Variants in DPP10 observed in about 807,000 individuals in gnomAD.
DPP10 encodes dipeptidyl peptidase like 10, also known as inactive dipeptidyl peptidase 10.
A neutral mutation model predicts 120.9 loss-of-function variants in DPP10; 33 were observed. The ratio of observed to expected loss-of-function variants is 0.27; its 90% confidence interval spans 0.21 to 0.37. The LOEUF is 0.37. DPP10 is among the 10% of genes least tolerant of loss of function. DPP10 has a pLI of 1.00. For missense variants in DPP10, 816 were observed against 942.8 expected (o/e 0.87, Z 1.76); for synonymous variants, 337 against 326.1 (o/e 1.03, Z -0.36).
chr2:114,530,785 T>G (rs1685906867), intron 1 of DPP10, among the ~76,000 whole-genome samples: 1 of 152,178 alleles, frequency 6.6e-6, no homozygotes, highest in South Asian at 2.1e-4. Flanking sequence ...TCTTAAGTTT[T>G]GCAGAATTAA....
intron 5 of DPP10, among the ~76,000 whole-genome samples, chr2:115,560,403 A>AATGTATAT (rs2080546525): frequency 5.6e-5 from 1 of 17,854 alleles, no homozygotes; most frequent in Non-Finnish European, 9.8e-5. Context: ...AAAAAAAAAA[A>AATGTATAT]ATATATATAT....
chr2:115,675,925 A>G (rs2090214572), intron 5 of DPP10, among the ~76,000 whole-genome samples: 1 of 152,114 alleles, frequency 6.6e-6, no homozygotes, highest in African/African-American at 2.4e-5. Flanking sequence ...AGAGGGTTGC[A>G]GTGTTGCGCC....
At chr2:114,567,961 G>A (rs1209755062) in intron 1 of DPP10, among the ~76,000 whole-genome samples, 1 of 150,092 alleles carries the variant, frequency 6.7e-6, no homozygotes, top group African/African-American at 2.5e-5. Context: ...AAACCACTAT[G>A]ACAGATGCTT....
At chr2:114,826,832 A>G (rs1274657934) in intron 1 of DPP10, among the ~76,000 whole-genome samples, 1 of 152,188 alleles carries the variant, frequency 6.6e-6, no homozygotes, top group African/African-American at 2.4e-5. Flanking sequence ...TGGGCCAAGA[A>G]GACTATTTTT....
chr2:115,469,810 A>T (rs2074568207), intron 3 of DPP10, among the ~76,000 whole-genome samples: 2 of 151,186 alleles, frequency 1.3e-5, no homozygotes, highest in Non-Finnish European at 2.9e-5. Flanking sequence ...AGGAAGGAGA[A>T]TCACTTGAAT....
chr2:114,986,262 A>G (rs1239569317), intron 1 of DPP10, among the ~76,000 whole-genome samples: 1 of 152,224 alleles, frequency 6.6e-6, no homozygotes, highest in Admixed American at 6.5e-5. Context: ...TTCTAAAAGC[A>G]TACAGATGTG....
At chr2:115,163,599 A>G (rs1322339687) in intron 1 of DPP10, among the ~76,000 whole-genome samples, 1 of 152,250 alleles carries the variant, frequency 6.6e-6, no homozygotes, top group Non-Finnish European at 1.5e-5. Context: ...GTTAGCAGAT[A>G]TAGAAAAATA....
At chr2:115,715,754 C>T (rs2092473409) in intron 7 of DPP10, among the ~76,000 whole-genome samples, 1 of 152,214 alleles carries the variant, frequency 6.6e-6, no homozygotes, top group South Asian at 2.1e-4. Flanking sequence ...TCTATCTTTA[C>T]ATTTTCTTTA....
chr2:114,639,770 A>T lies in DPP10; in HGVS notation c.60+196932A>T, dbSNP rs76173795. ...ATCTTCAAAAGATACTAGACAATTT[A>T]TTTTTTCTTTTATCAAGTTATTACC... On this transcript the variant is annotated intron_variant, in intron 1 of 25. Coordinates refer to ENST00000410059, the MANE Select transcript of DPP10 (RefSeq NM_020868.6). Among the ~76,000 whole-genome samples the T allele has an allele frequency of 4.5e-4, 68 of 151,834 alleles. 1 individual carries two copies. The East Asian group carries it at 0.012, about 26-fold the overall frequency.
chr2:115,374,089 AT>A (rs1574602797), intron 3 of DPP10, among the ~76,000 whole-genome samples: 1 of 152,090 alleles, frequency 6.6e-6, no homozygotes, highest in Non-Finnish European at 1.5e-5. Flanking sequence ...GCCAAACCGT[AT>A]CTTTCTGCCA....
intron 3 of DPP10, among the ~76,000 whole-genome samples, chr2:115,386,611 G>C (rs1043715441): frequency 2.6e-5 from 4 of 152,128 alleles, no homozygotes; most frequent in African/African-American, 9.7e-5. Context: ...TTCCTCTGCT[G>C]CTATCTCAAG....
chr2:115,492,542 A>G (rs975864345), intron 3 of DPP10, among the ~76,000 whole-genome samples: 1 of 152,050 alleles, frequency 6.6e-6, no homozygotes, highest in Non-Finnish European at 1.5e-5. Context: ...TGAGCCTTAG[A>G]TGGGCGGTCT....
chr2:115,167,132 C>A (rs2052935876), intron 1 of DPP10, among the ~76,000 whole-genome samples: 4 of 152,018 alleles, frequency 2.6e-5, no homozygotes, highest in Admixed American at 2.6e-4. Context: ...GAGGTGACTG[C>A]AGTTCCCTTT....
chr2:115,102,708 C>T (rs1403240395), intron 1 of DPP10, among the ~76,000 whole-genome samples: 2 of 150,520 alleles, frequency 1.3e-5, no homozygotes, highest in African/African-American at 4.9e-5. Flanking sequence ...CACGCCCGGC[C>T]ATGGGGGAGT....
intron 1 of DPP10, among the ~76,000 whole-genome samples, chr2:115,128,097 T>C (rs1316038512): frequency 3.3e-5 from 5 of 152,200 alleles, no homozygotes; most frequent in African/African-American, 1.2e-4. Context: ...TAATGCATAC[T>C]TCAATCTTCA....
chr2:115,489,041 A>G (rs1221123627), intron 3 of DPP10, among the ~76,000 whole-genome samples: 2 of 152,166 alleles, frequency 1.3e-5, no homozygotes, highest in Non-Finnish European at 2.9e-5. Context: ...CGTTTAAAAT[A>G]TAGTAAGTAA....
chr2:114,579,896 G>C (rs1251575091), intron 1 of DPP10, among the ~76,000 whole-genome samples: 1 of 152,146 alleles, frequency 6.6e-6, no homozygotes, highest in East Asian at 1.9e-4. Context: ...CCTATCAGTT[G>C]AGAAATAGGG....
At chr2:114,584,445 G>A (rs1344796776) in intron 1 of DPP10, among the ~76,000 whole-genome samples, 1 of 151,734 alleles carries the variant, frequency 6.6e-6, no homozygotes, top group Non-Finnish European at 1.5e-5. Context: ...TGCACAATGT[G>A]CAGGTTAGTT....
At chr2:115,708,997 C>T (rs968439623) in intron 7 of DPP10, among the ~76,000 whole-genome samples, 14 of 152,152 alleles carry the variant, frequency 9.2e-5, no homozygotes, top group African/African-American at 2.6e-4. Context: ...TCAATCTTCA[C>T]GCAAATTCAG....
Sources: gnomAD v4.1 joint callset for allele counts (sites outside exome capture counted in the v4.1 genomes callset) on GRCh38, gnomAD v4.1.1 for gene constraint, MANE v1.5 for transcripts, NCBI Gene and HGNC (gene_info 2026-07-23, HGNC 2026-07-21) for gene names.